MAPKAP1: variants seen among roughly 807,000 people sequenced by gnomAD.
The protein encoded by MAPKAP1 is target of rapamycin complex 2 subunit MAPKAP1.
Under a neutral mutation model 65.7 loss-of-function variants are expected in MAPKAP1, and 20 were observed. That is an observed-to-expected ratio of 0.30 (90% CI 0.21 to 0.44). MAPKAP1 has a LOEUF of 0.44. Among genes scored for constraint, MAPKAP1 ranks in the 20% least tolerant of loss-of-function variants. The pLI, the probability that MAPKAP1 is intolerant of heterozygous loss-of-function variation, is 1.00. For missense variants in MAPKAP1, 423 were observed against 648.0 expected (o/e 0.65, Z 3.77); for synonymous variants, 222 against 244.3 (o/e 0.91, Z 0.85).
At chr9:125,490,577 C>A (rs1409341917) in intron 8 of MAPKAP1, among the ~76,000 whole-genome samples, 4 of 151,970 alleles carry the variant, frequency 2.6e-5, no homozygotes, top group Middle Eastern at 3.2e-3. Flanking sequence ...AACAAAAAAA[C>A]AACAACAAAA....
chr9:125,612,800 G>A (rs1221679553), intron 4 of MAPKAP1, among the ~76,000 whole-genome samples: 1 of 152,194 alleles, frequency 6.6e-6, no homozygotes, highest in Non-Finnish European at 1.5e-5. Flanking sequence ...AGGCAAGAAG[G>A]AAAGTCACCA....
At chr9:125,546,855 C>T (rs960296112) in intron 6 of MAPKAP1, among the ~76,000 whole-genome samples, 1 of 152,172 alleles carries the variant, frequency 6.6e-6, no homozygotes, top group South Asian at 2.1e-4. Context: ...CTCAAAGTCT[C>T]GGCTCAGAAA....
chr9:125,693,307 G>A (rs565422590), intron 1 of MAPKAP1, among the ~76,000 whole-genome samples: 14 of 151,708 alleles, frequency 9.2e-5, no homozygotes, highest in South Asian at 2.1e-4. Flanking sequence ...CCAGCTACTC[G>A]GGCAGCTGAG....
rs1554818636 is a variant in MAPKAP1, at chr9:125,536,585, T to TTCATTC, written c.958+6473_958+6474insGAATGA. The stretch of plus-strand genomic sequence containing the variant: ...CACTTAAACAGTTCTATTTTCCATT[T>TTCATTC]ATTCATTCATTCATTCATTCAGTGT... On this transcript the variant is annotated intron_variant, in intron 7 of 11. Transcript: ENST00000265960. Among the ~76,000 whole-genome samples the TTCATTC allele has an allele frequency of 9.3e-3, 1,418 of 151,728 alleles. 12 individuals carry two copies. The highest frequency in any genetic ancestry group is 0.012 in the African/African-American group (514 of 41,354).
chr9:125,589,339 ACTTC>A (rs2131586508), intron 4 of MAPKAP1, among the ~76,000 whole-genome samples: 1 of 152,202 alleles, frequency 6.6e-6, no homozygotes, highest in African/African-American at 2.4e-5. Flanking sequence ...TTTCCTCTGA[ACTTC>A]CTTGAGAGCA....
intron 4 of MAPKAP1, among the ~76,000 whole-genome samples, chr9:125,614,570 A>G (rs1832692201): frequency 6.6e-6 from 1 of 152,188 alleles, no homozygotes; most frequent in Admixed American, 6.5e-5. Flanking sequence ...GGTTGCAGTG[A>G]GCCAAGATCG....
intron 4 of MAPKAP1, among the ~76,000 whole-genome samples, chr9:125,589,376 C>T (rs2131586624): frequency 6.6e-6 from 1 of 152,330 alleles, no homozygotes; most frequent in South Asian, 2.1e-4. Flanking sequence ...GCTTTGTTTA[C>T]TGTTCCATAC....
intron 10 of MAPKAP1, among the ~76,000 whole-genome samples, chr9:125,459,871 G>GCTGATCATTTCTTA (rs1853413793): frequency 6.6e-6 from 1 of 151,608 alleles, no homozygotes. Flanking sequence ...GGGAGAGGGA[G>GCTGATCATTTCTTA]AGGGACGCAT....
chr9:125,637,363 A>G (rs781081996), intron 4 of MAPKAP1, among the ~76,000 whole-genome samples: 2 of 152,144 alleles, frequency 1.3e-5, no homozygotes, highest in Non-Finnish European at 2.9e-5. Flanking sequence ...TGGTTCAAGT[A>G]TCAAAGTGCT....
chr9:125,534,768 G>T (rs570314876), intron 7 of MAPKAP1, among the ~76,000 whole-genome samples: 2 of 151,596 alleles, frequency 1.3e-5, no homozygotes, highest in East Asian at 3.9e-4. Context: ...GACGACCACA[G>T]CAGCCTGAAC....
At chr9:125,655,796 A>G (rs1236650835) in intron 4 of MAPKAP1, among the ~76,000 whole-genome samples, 1 of 152,246 alleles carries the variant, frequency 6.6e-6, no homozygotes, top group Non-Finnish European at 1.5e-5. Flanking sequence ...TCAATGCATA[A>G]TGGTGACTGC....
Position 125,447,438 on chromosome 9 carries a change from C to T in MAPKAP1, c.1346-2840G>A. On this transcript the variant is annotated intron_variant, in intron 10 of 11. Transcript: ENST00000265960. This position sits in a 1 kb window ranked among gnomAD's most constrained non-coding sequence, Gnocchi z 4.5. ...ACTGGGCCGAGGCACGGTGGACAGC[C>T]ACAGCAGACAGCCCCCTCTTGCTCT... 2.2e-6 allele frequency: 1 copy of T among 456,664 alleles called. No individual in the cohort carries two copies. Among genetic ancestry groups the T allele is most frequent in the South Asian group, 1.5e-5 (1 of 64,572 alleles). The allele number at this position is 456,664 out of a possible 1,614,324, so 28.3% of individuals were successfully genotyped here. A position where few individuals can be genotyped will look rare whatever the true frequency, so the allele number is the denominator to read the frequency against.
chr9:125,500,489 G>A (rs1828943852), intron 8 of MAPKAP1, among the ~76,000 whole-genome samples: 1 of 152,136 alleles, frequency 6.6e-6, no homozygotes, highest in African/African-American at 2.4e-5. Flanking sequence ...CATCACGCCG[G>A]CCCCCATTTG....
In MAPKAP1 at chr9:125,578,118, A is replaced by T. The variant is rs1242629791; in HGVS notation, c.671+7437T>A. On this transcript the variant is annotated intron_variant, in intron 5 of 11. Transcript: ENST00000265960. Reference sequence around the variant, plus strand: ...ATTCTTCTGCCTTGGGATCCTGTTGATCTATGACCTTACCCCCAACCCGGT... The same window carrying T: ...ATTCTTCTGCCTTGGGATCCTGTTGTTCTATGACCTTACCCCCAACCCGGT... Among the ~76,000 whole-genome samples the T allele has an allele frequency of 2.0e-5, 3 of 152,198 alleles. No individual in the cohort carries two copies. In the East Asian group the frequency reaches 5.8e-4, roughly 29 times the overall value.
At chr9:125,514,014 C>T (rs1437006606) in intron 7 of MAPKAP1, among the ~76,000 whole-genome samples, 1 of 152,174 alleles carries the variant, frequency 6.6e-6, no homozygotes, top group African/African-American at 2.4e-5. Flanking sequence ...GAACAAACCA[C>T]GGCAGCACAG....
chr9:125,561,568 TAGAG>T (rs767942067), intron 5 of MAPKAP1, among the ~76,000 whole-genome samples: 10 of 152,176 alleles, frequency 6.6e-5, no homozygotes, highest in Admixed American at 2.0e-4. Flanking sequence ...ACAGAACAAT[TAGAG>T]AGGCAAAAGA....
chr9:125,625,273 A>AC (rs1564589726), intron 4 of MAPKAP1, among the ~76,000 whole-genome samples: 1 of 148,616 alleles, frequency 6.7e-6, no homozygotes, highest in Non-Finnish European at 1.5e-5. Flanking sequence ...AAAAAAAAAA[A>AC]AAAAAAACAA....
intron 4 of MAPKAP1, among the ~76,000 whole-genome samples, chr9:125,617,300 A>AT (rs907851057): frequency 5.3e-5 from 8 of 151,720 alleles, no homozygotes; most frequent in East Asian, 1.9e-4. Context: ...TTGCTACAAA[A>AT]TTTTTTTTTA....
At chr9:125,474,882 CTT>C (rs1422177120) in intron 9 of MAPKAP1, among the ~76,000 whole-genome samples, 4 of 152,324 alleles carry the variant, frequency 2.6e-5, no homozygotes, top group East Asian at 3.9e-4. Flanking sequence ...CTACAATCCT[CTT>C]GTCTTCAGGT....
Sources: allele counts gnomAD v4.1 joint callset (sites outside exome capture counted in the v4.1 genomes callset), GRCh38; gene constraint gnomAD v4.1.1; non-coding constraint Gnocchi (gnomAD v3.1); transcripts MANE v1.5; gene names NCBI Gene and HGNC (gene_info 2026-07-23, HGNC 2026-07-21).